The following PPP2R2B variants were observed in gnomAD, a reference collection of about 807,000 sequenced individuals.
The protein encoded by PPP2R2B is serine/threonine-protein phosphatase 2A 55 kDa regulatory subunit B beta isoform.
A neutral mutation model predicts 46.0 loss-of-function variants in PPP2R2B; 5 were observed. That is an observed-to-expected ratio of 0.11 (90% CI 0.06 to 0.23). PPP2R2B has a LOEUF of 0.23. Among genes scored for constraint, PPP2R2B ranks in the 10% least tolerant of loss-of-function variants. PPP2R2B has a pLI of 1.00. For synonymous variants in PPP2R2B, 215 were observed against 206.7 expected (o/e 1.04, Z -0.34); for missense variants, 367 against 575.0 (o/e 0.64, Z 3.70).
intron 2 of PPP2R2B, among the ~76,000 whole-genome samples, chr5:146,842,447 AAAAAGACAT>A (rs1401209691): frequency 6.6e-6 from 1 of 151,886 alleles, no homozygotes; most frequent in Non-Finnish European, 1.5e-5. Flanking sequence ...AAAGGAAAAA[AAAAAGACAT>A]ACTTCAAAAA....
At chr5:147,070,851 A>G (rs1028706429) in intron 2 of PPP2R2B, among the ~76,000 whole-genome samples, 2 of 152,194 alleles carry the variant, frequency 1.3e-5, no homozygotes, top group Non-Finnish European at 2.9e-5. Flanking sequence ...GCCCATTTGT[A>G]TAAAGCTAGT....
At chr5:146,646,028 T>C (rs1260979227) in intron 6 of PPP2R2B, among the ~76,000 whole-genome samples, 2 of 152,222 alleles carry the variant, frequency 1.3e-5, no homozygotes, top group Non-Finnish European at 1.5e-5. Flanking sequence ...AAGCCTTCCC[T>C]GGTCTATAGC....
At chr5:146,995,409 G>A (rs542353469) in intron 1 of PPP2R2B, among the ~76,000 whole-genome samples, 18 of 152,300 alleles carry the variant, frequency 1.2e-4, no homozygotes, top group African/African-American at 3.6e-4. Context: ...AAGGAAGTGT[G>A]TATTGTAATT....
chr5:146,931,047 G>A (rs894102677), intron 1 of PPP2R2B, among the ~76,000 whole-genome samples: 1 of 151,904 alleles, frequency 6.6e-6, no homozygotes, highest in African/African-American at 2.4e-5. Context: ...GTTTGCTATT[G>A]TGCCAAAGAT....
At chr5:146,810,721 A>AAC (rs1757482461) in intron 2 of PPP2R2B, among the ~76,000 whole-genome samples, 1 of 150,060 alleles carries the variant, frequency 6.7e-6, no homozygotes, top group Non-Finnish European at 1.5e-5. Flanking sequence ...TTTTCTTTTT[A>AAC]ATATATATAT....
chr5:146,701,933 G>A (rs928908367), intron 2 of PPP2R2B, among the ~76,000 whole-genome samples: 1 of 152,040 alleles, frequency 6.6e-6, no homozygotes, highest in Admixed American at 6.6e-5. Flanking sequence ...GAGGAACATG[G>A]ACAGGTAAAT....
intron 2 of PPP2R2B, among the ~76,000 whole-genome samples, chr5:146,779,604 A>G (rs756302426): frequency 4.3e-4 from 65 of 152,170 alleles, no homozygotes; most frequent in Non-Finnish European, 7.6e-4. Context: ...TAATTTCCTT[A>G]GAGGCCAACA....
Position 146,908,945 on chromosome 5 carries a change from G to T in PPP2R2B, c.79+146720C>A, listed in dbSNP as rs541647410. ...CCTCCCGAGTAGCTGGGATTACAGG[G>T]GTGGGCCCTGGAGCTCAGATCGTGT... On this transcript the variant is annotated intron_variant, in intron 1 of 8. Transcript: ENST00000336640. 8.3e-4 allele frequency among the ~76,000 whole-genome samples: 127 copies of T among 152,168 alleles called. 4 individuals are homozygous for T. In the South Asian group the frequency reaches 0.022, roughly 27 times the overall value.
intron 1 of PPP2R2B, among the ~76,000 whole-genome samples, chr5:147,026,337 CA>C (rs759615820): frequency 1.4e-4 from 21 of 152,118 alleles, no homozygotes; most frequent in Middle Eastern, 6.8e-3. Flanking sequence ...AATCTCAAAA[CA>C]ATGATGCTGA....
chr5:146,861,938 AT>A (rs1243221912), intron 2 of PPP2R2B, among the ~76,000 whole-genome samples: 2 of 149,952 alleles, frequency 1.3e-5, no homozygotes, highest in Non-Finnish European at 3.0e-5. Flanking sequence ...TCTTATTGAT[AT>A]TATCATGTAA....
chr5:147,076,320 A>C (rs1561615585), intron 2 of PPP2R2B, among the ~76,000 whole-genome samples: 1 of 152,162 alleles, frequency 6.6e-6, no homozygotes, highest in East Asian at 1.9e-4. Context: ...GTAAAAAAAA[A>C]ATTGATATTG....
chr5:147,016,810 C>T (rs1386550784), intron 1 of PPP2R2B, among the ~76,000 whole-genome samples: 3 of 151,482 alleles, frequency 2.0e-5, no homozygotes, highest in Non-Finnish European at 2.9e-5. Flanking sequence ...ACTTGAAATC[C>T]AAAATAGCAT....
rs559082987 is a variant in PPP2R2B, at chr5:146,700,818, T to C, written c.168+227A>G. On this transcript the variant is annotated intron_variant, in intron 3 of 9. Coordinates refer to ENST00000394411, the MANE Select transcript of PPP2R2B (RefSeq NM_181675.4). ...GCGAGAAGTGAAGTTGTTTTGCAGGTGTAACATCCAGGCGTAGAAAGATAA... is the reference window on the plus strand; with the variant it reads ...GCGAGAAGTGAAGTTGTTTTGCAGGCGTAACATCCAGGCGTAGAAAGATAA... Among the ~76,000 whole-genome samples, 3 of 152,308 alleles carry C rather than the reference T, an allele frequency of 2.0e-5. No homozygotes were observed. In the South Asian group the frequency reaches 6.2e-4, roughly 32 times the overall value.
intron 2 of PPP2R2B, among the ~76,000 whole-genome samples, chr5:146,744,452 C>A (rs1753056028): frequency 6.6e-6 from 1 of 152,174 alleles, no homozygotes; most frequent in Non-Finnish European, 1.5e-5. Flanking sequence ...CTCTTTCCTC[C>A]TCCAGTGACA....
At chr5:146,618,447 T>A (rs1458520141) in intron 7 of PPP2R2B, among the ~76,000 whole-genome samples, 1 of 152,198 alleles carries the variant, frequency 6.6e-6, no homozygotes, top group African/African-American at 2.4e-5. Context: ...AGGACGTTAA[T>A]CAATTTGTGT....
At chr5:146,897,151 A>AGGTAAGTG (rs1762671339) in intron 1 of PPP2R2B, among the ~76,000 whole-genome samples, 1 of 152,320 alleles carries the variant, frequency 6.6e-6, no homozygotes, top group South Asian at 2.1e-4. Context: ...GAGAGAAGAC[A>AGGTAAGTG]GGTAAGTGGA....
At chr5:146,947,920 A>G (rs1008012638) in intron 1 of PPP2R2B, among the ~76,000 whole-genome samples, 7 of 151,766 alleles carry the variant, frequency 4.6e-5, no homozygotes, top group East Asian at 2.0e-4. Flanking sequence ...TTTCATGTTC[A>G]ACCCAATCAC....
At chr5:146,814,052 C>T (rs1164118599) in intron 2 of PPP2R2B, among the ~76,000 whole-genome samples, 1 of 152,132 alleles carries the variant, frequency 6.6e-6, no homozygotes, top group Non-Finnish European at 1.5e-5. Context: ...AAAGCCATGA[C>T]TTCGGACACA....
chr5:146,920,491 C>A (rs17105709), intron 1 of PPP2R2B, among the ~76,000 whole-genome samples: 14,402 of 152,216 alleles, frequency 0.095, 1,016 homozygotes, highest in East Asian at 0.28. Context: ...TAAATGAGTT[C>A]TTCAGGGAGG....
Sources: allele counts gnomAD v4.1 joint callset (sites outside exome capture counted in the v4.1 genomes callset), GRCh38; gene constraint gnomAD v4.1.1; transcripts MANE v1.5; gene names NCBI Gene and HGNC (gene_info 2026-07-23, HGNC 2026-07-21).